ARFGEF3: variants seen among roughly 807,000 people sequenced by gnomAD.
ARFGEF3 encodes the protein ARFGEF family member 3, also known as brefeldin A-inhibited guanine nucleotide-exchange protein 3.
ARFGEF3 carries 96 observed loss-of-function variants against 221.7 expected under a neutral mutation model. The ratio of observed to expected loss-of-function variants is 0.43; its 90% CI spans 0.37 to 0.51. The LOEUF (loss-of-function observed/expected upper bound fraction) is 0.51. Ranked by LOEUF, ARFGEF3 falls within the 20% of genes least tolerant of loss-of-function variation. ARFGEF3 has a pLI of 0.00. For missense variants in ARFGEF3, 2,410 were observed against 2,789.9 expected, an observed-to-expected ratio of 0.86 and a Z score of 3.07; for synonymous variants, 1,145 against 1,126.8, an observed-to-expected ratio of 1.02 and a Z score of -0.32.
At chr6:138,204,571 A>G (rs1338707440) in intron 2 of ARFGEF3, among the ~76,000 whole-genome samples, 1 of 152,274 alleles carries the variant, frequency 6.6e-6, no homozygotes, top group East Asian at 1.9e-4. Flanking sequence ...AATAGTTAAG[A>G]CAGAGACCAT....
At chr6:138,313,673 A>AT in intron 25 of ARFGEF3, 122 bp from the exon 26 acceptor site, 1 of 796,872 alleles carries the variant, frequency 1.3e-6, no homozygotes, top group Non-Finnish European at 2.0e-6. Flanking sequence ...GAATAATCAA[A>AT]TTTTCAATGT....
At chr6:138,302,518 G>T (rs1206268928) in intron 22 of ARFGEF3, among the ~76,000 whole-genome samples, 2 of 152,120 alleles carry the variant, frequency 1.3e-5, no homozygotes, top group Non-Finnish European at 2.9e-5. Context: ...AAGACAAACA[G>T]ATGGGAAAAT....
At chr6:138,166,311 A>G (rs1200658473) in intron 1 of ARFGEF3, among the ~76,000 whole-genome samples, 1 of 152,260 alleles carries the variant, frequency 6.6e-6, no homozygotes, top group Non-Finnish European at 1.5e-5. Flanking sequence ...AACATAAAGA[A>G]AAAATTAAAA....
chr6:138,222,484 C>G (rs72986857), intron 4 of ARFGEF3, among the ~76,000 whole-genome samples: 1 of 152,072 alleles, frequency 6.6e-6, no homozygotes, highest in Admixed American at 6.5e-5. Context: ...TTTAGCAATT[C>G]CTGGAGGCAT....
chr6:138,204,339 CAAAAAAA>C (rs11336345), intron 2 of ARFGEF3, among the ~76,000 whole-genome samples: 9 of 60,430 alleles, frequency 1.5e-4, no homozygotes, highest in Non-Finnish European at 2.8e-4. Context: ...ACTCCATCTC[CAAAAAAA>C]AAAAAAAAAA....
rs145154056 is a variant in ARFGEF3, at chr6:138,259,914, TA to T, written c.1105-1602del. On this transcript the variant is annotated intron_variant, in intron 10 of 33. Coordinates refer to ENST00000251691, the MANE Select transcript of ARFGEF3 (RefSeq NM_020340.5). ...GGGTGACAGAGCGAGATTCCATCTT[TA>T]AAAAAAAAAATTATCGAATTTATTA... is the stretch of plus-strand genomic sequence containing the variant. 2.3e-3 allele frequency among the ~76,000 whole-genome samples: 350 copies of T among 149,274 alleles called. 1 individual carries two copies. The highest frequency in any genetic ancestry group is 6.9e-3 in the Middle Eastern group (2 of 290).
chr6:138,256,184 G>C (rs548990179), intron 10 of ARFGEF3, among the ~76,000 whole-genome samples: 2 of 152,144 alleles, frequency 1.3e-5, no homozygotes, highest in Non-Finnish European at 2.9e-5. Context: ...GCCAGTCTCT[G>C]ATTGCTAAGA....
chr6:138,264,794 G>A (rs1289460398), intron 12 of ARFGEF3, among the ~76,000 whole-genome samples: 1 of 151,936 alleles, frequency 6.6e-6, no homozygotes. Flanking sequence ...TGACTGATGT[G>A]TAACTTAACA....
chr6:138,253,114 T>C (rs1021320287), intron 8 of ARFGEF3, among the ~76,000 whole-genome samples: 1 of 152,230 alleles, frequency 6.6e-6, no homozygotes, highest in Admixed American at 6.5e-5. Context: ...TGGTAAATGG[T>C]CTCTTGAAAG....
At chr6:138,183,659 C>A (rs1310447786) in intron 2 of ARFGEF3, among the ~76,000 whole-genome samples, 1 of 152,138 alleles carries the variant, frequency 6.6e-6, no homozygotes, top group Admixed American at 6.5e-5. Flanking sequence ...GACACAAGCT[C>A]TCTTCTCTCA....
intron 19 of ARFGEF3, among the ~76,000 whole-genome samples, chr6:138,292,571 C>G (rs1403098627): frequency 6.6e-6 from 1 of 152,196 alleles, no homozygotes; most frequent in Non-Finnish European, 1.5e-5. Flanking sequence ...GGTGGTACTT[C>G]CTGAGGTTGA....
chr6:138,294,616 A>G (rs1417460407), intron 20 of ARFGEF3, among the ~76,000 whole-genome samples: 2 of 152,248 alleles, frequency 1.3e-5, no homozygotes, highest in Non-Finnish European at 2.9e-5. Context: ...TATCCCATTA[A>G]TGATGGGTCA....
At chr6:138,280,241 G>A in intron 14 of ARFGEF3, 77 bp downstream of exon 14, 1 of 1,437,356 alleles carries the variant, frequency 7.0e-7, no homozygotes. Flanking sequence ...TTTCAGAGAA[G>A]TGTTGGTGCT....
chr6:138,266,176 G>A (rs922260470), intron 12 of ARFGEF3, among the ~76,000 whole-genome samples: 1 of 151,934 alleles, frequency 6.6e-6, no homozygotes, highest in South Asian at 2.1e-4. Flanking sequence ...TTCCACCACT[G>A]CCCTTCAGCC....
At chr6:138,279,854 T>C (rs1056145709) in intron 13 of ARFGEF3, 145 bp from the exon 14 acceptor site, 5 of 687,940 alleles carry the variant, frequency 7.3e-6, no homozygotes, top group Middle Eastern at 4.1e-4. Flanking sequence ...CATCTCTACT[T>C]CTCCCCACTT....
intron 20 of ARFGEF3, 57 bp from the exon 21 acceptor site, chr6:138,296,753 G>C: frequency 1.3e-6 from 2 of 1,580,408 alleles, no homozygotes; most frequent in South Asian, 1.2e-5. Flanking sequence ...TGCTTGAATA[G>C]GTCAGACTAT....
Position 138,324,137 on chromosome 6 carries a change from C to T in ARFGEF3, c.4984C>T (p.Arg1662Ter). 6.2e-7 allele frequency: 1 copy of T among 1,613,620 alleles called. No individual in the cohort carries two copies. Among genetic ancestry groups the T allele is most frequent in the Non-Finnish European group, 8.5e-7 (1 of 1,179,750 alleles). ...PSAEAEYWRI[R>*]AMAQQVFMLD... ...TGCCGAGGCCGAGTACTGGCGCATC[C>T]GAGCCATGGCCCAGCAGGTAAGGGC... is the stretch of plus-strand genomic sequence containing the variant. Residue 1662 changes from arginine to a stop codon, truncating the protein, a stop_gained, in exon 31 of 34, where the codon CGA (arginine) becomes TGA (stop). Transcript: ENST00000251691. LOFTEE classifies it high-confidence loss of function.
At chr6:138,306,747 T>TA (rs963113487) in intron 22 of ARFGEF3, among the ~76,000 whole-genome samples, 42 of 150,046 alleles carry the variant, frequency 2.8e-4, no homozygotes, top group African/African-American at 1.0e-3. Context: ...AAAATAAACT[T>TA]ACACCTTTAC....
chr6:138,271,489 G>A (rs1197802373), intron 12 of ARFGEF3, among the ~76,000 whole-genome samples: 3 of 152,014 alleles, frequency 2.0e-5, no homozygotes, highest in Non-Finnish European at 4.4e-5. Flanking sequence ...ATTGTCTAAA[G>A]GTTTTACTGA....
Sources: allele counts gnomAD v4.1 joint callset (sites outside exome capture counted in the v4.1 genomes callset), GRCh38; gene constraint gnomAD v4.1.1; transcripts MANE v1.5; gene names NCBI Gene and HGNC (gene_info 2026-07-23, HGNC 2026-07-21).